The following PGPEP1L variants were observed in gnomAD, a reference collection of about 807,000 sequenced individuals.
PGPEP1L encodes the protein pyroglutamyl-peptidase I like, also known as pyroglutamyl-peptidase 1-like protein.
A neutral mutation model predicts 6.0 loss-of-function variants in PGPEP1L; 7 were observed. The ratio of observed to expected loss-of-function variants is 1.17; its 90% confidence interval spans 0.66 to 2.19. PGPEP1L has a LOEUF of 2.19. Ranked by LOEUF, PGPEP1L falls within the 30% of genes most tolerant of loss-of-function variation. The pLI is 0.00. For synonymous variants in PGPEP1L, 103 were observed against 83.9 expected, an observed-to-expected ratio of 1.23 and a Z score of -1.24; for missense variants, 209 against 192.5, an observed-to-expected ratio of 1.09 and a Z score of -0.51.
chr15:99,002,837 C>T (rs1247486494), intron 2 of PGPEP1L, among the ~76,000 whole-genome samples: 4 of 143,824 alleles, frequency 2.8e-5, no homozygotes, highest in Admixed American at 6.7e-5. Flanking sequence ...GACATTTCCA[C>T]CTCTGATTCC....
At chr15:98,987,940 C>T (rs963529925) in intron 2 of PGPEP1L, among the ~76,000 whole-genome samples, 1 of 152,170 alleles carries the variant, frequency 6.6e-6, no homozygotes, top group Non-Finnish European at 1.5e-5. Flanking sequence ...CTAGGAGGAA[C>T]AGTGCACTCC....
At chr15:99,001,815 T>A (rs1311927545) in intron 2 of PGPEP1L, among the ~76,000 whole-genome samples, 4 of 152,114 alleles carry the variant, frequency 2.6e-5, no homozygotes, top group Non-Finnish European at 4.4e-5. Context: ...CCTCCTGGGT[T>A]CAAGCAATTC....
chr15:98,992,165 G>A (rs1044823419), intron 2 of PGPEP1L, among the ~76,000 whole-genome samples: 4 of 152,202 alleles, frequency 2.6e-5, no homozygotes, highest in Non-Finnish European at 5.9e-5. Context: ...AATTGTCTCT[G>A]TTTGCAGATG....
At chr15:98,996,503 C>T (rs981546159) in intron 2 of PGPEP1L, among the ~76,000 whole-genome samples, 1 of 135,126 alleles carries the variant, frequency 7.4e-6, no homozygotes, top group African/African-American at 2.9e-5. Context: ...TAGATGTATA[C>T]ATGCATGTGT....
intron 2 of PGPEP1L, among the ~76,000 whole-genome samples, chr15:98,986,733 G>C (rs1161677470): frequency 6.6e-6 from 1 of 152,168 alleles, no homozygotes; most frequent in Non-Finnish European, 1.5e-5. Context: ...CTTAGCCTAC[G>C]GGGTCTGTGC....
chr15:98,999,823 ATTAT>A (rs1341091003), intron 2 of PGPEP1L, among the ~76,000 whole-genome samples: 1 of 152,272 alleles, frequency 6.6e-6, no homozygotes, highest in Non-Finnish European at 1.5e-5. Flanking sequence ...ACAATGAAAT[ATTAT>A]TTGTCAATAA....
intron 2 of PGPEP1L, among the ~76,000 whole-genome samples, chr15:98,994,209 T>A (rs1446600602): frequency 6.6e-6 from 1 of 152,054 alleles, no homozygotes; most frequent in Non-Finnish European, 1.5e-5. Context: ...GAGGTTGCAG[T>A]GAGCCAAGAT....
At chr15:98,995,460 G>T (rs1262963155) in intron 2 of PGPEP1L, among the ~76,000 whole-genome samples, 1 of 152,190 alleles carries the variant, frequency 6.6e-6, no homozygotes, top group African/African-American at 2.4e-5. Flanking sequence ...CACTTTGGGA[G>T]GCCAAGGTGG....
intron 2 of PGPEP1L, among the ~76,000 whole-genome samples, chr15:99,001,722 CTT>C (rs1396706921): frequency 1.3e-5 from 2 of 149,158 alleles, no homozygotes. Context: ...TTTATTTTTG[CTT>C]GTTTGCTTTT....
intron 2 of PGPEP1L, among the ~76,000 whole-genome samples, chr15:98,972,200 A>G (rs966408015): frequency 6.6e-6 from 1 of 152,056 alleles, no homozygotes; most frequent in African/African-American, 2.4e-5. Flanking sequence ...TAAAAATACA[A>G]AAATTAGCCA....
At chr15:98,999,467 TCA>T (rs1354553860) in intron 2 of PGPEP1L, among the ~76,000 whole-genome samples, 1 of 152,238 alleles carries the variant, frequency 6.6e-6, no homozygotes, top group Non-Finnish European at 1.5e-5. Context: ...ACTAGGTCAC[TCA>T]CACATTGCTG....
At chr15:98,989,145 A>G (rs2017786867) in intron 2 of PGPEP1L, among the ~76,000 whole-genome samples, 1 of 152,228 alleles carries the variant, frequency 6.6e-6, no homozygotes, top group Non-Finnish European at 1.5e-5. Flanking sequence ...TGACGAATTG[A>G]CAGAAGTAGG....
intron 2 of PGPEP1L, among the ~76,000 whole-genome samples, chr15:99,000,070 G>A (rs1490534967): frequency 6.6e-6 from 1 of 152,240 alleles, no homozygotes; most frequent in African/African-American, 2.4e-5. Context: ...GGCGGGAACC[G>A]GGGCTGCGTG....
chr15:99,007,194 G>A (rs1267977095), intron 1 of PGPEP1L, among the ~76,000 whole-genome samples, 165 bp downstream of exon 1: 2 of 152,172 alleles, frequency 1.3e-5, no homozygotes, highest in East Asian at 3.9e-4. Context: ...CCCACTCCCT[G>A]TCCTGAGAAG....
intron 2 of PGPEP1L, among the ~76,000 whole-genome samples, chr15:98,982,913 G>T (rs1302181797): frequency 6.6e-6 from 1 of 151,846 alleles, no homozygotes; most frequent in Admixed American, 6.6e-5. Flanking sequence ...GTCTCACCCT[G>T]TTGGCCAGGC....
At chr15:98,989,689 C>G (rs2017793536) in intron 2 of PGPEP1L, among the ~76,000 whole-genome samples, 1 of 152,096 alleles carries the variant, frequency 6.6e-6, no homozygotes, top group Non-Finnish European at 1.5e-5. Flanking sequence ...TCAGATTCAC[C>G]ATGGTTGAAA....
chr15:98,990,975 G>C (rs782219322), intron 2 of PGPEP1L, among the ~76,000 whole-genome samples: 1 of 152,118 alleles, frequency 6.6e-6, no homozygotes, highest in Non-Finnish European at 1.5e-5. Context: ...TGTGTAGAGG[G>C]AATTTTATAG....
chr15:99,003,866 TAC>T (rs1387433798), intron 2 of PGPEP1L, among the ~76,000 whole-genome samples: 1 of 147,376 alleles, frequency 6.8e-6, no homozygotes, highest in Admixed American at 6.7e-5. Context: ...TGCATTAGAG[TAC>T]AGTTTCCTTA....
chr15:98,979,505 C>A (rs1289104826), intron 2 of PGPEP1L, among the ~76,000 whole-genome samples: 1 of 152,002 alleles, frequency 6.6e-6, no homozygotes, highest in East Asian at 1.9e-4. Flanking sequence ...TGAAACCAGC[C>A]CAAATTCCCA....
Sources: allele counts gnomAD v4.1 joint callset (sites outside exome capture counted in the v4.1 genomes callset), GRCh38; gene constraint gnomAD v4.1.1; transcripts MANE v1.5; gene names NCBI Gene and HGNC (gene_info 2026-07-23, HGNC 2026-07-21).